The following CACNA1A variants were observed in gnomAD, a reference collection of about 807,000 sequenced individuals.
CACNA1A encodes the protein calcium voltage-gated channel subunit alpha1 A, also known as voltage-dependent P/Q-type calcium channel subunit alpha-1A.
In CACNA1A, 57 loss-of-function variants were observed where a neutral mutation model predicts 262.4. That is an observed-to-expected ratio of 0.22 (90% CI 0.18 to 0.27). The LOEUF (loss-of-function observed/expected upper bound fraction) is 0.27. Ranked by LOEUF, CACNA1A falls within the 10% of genes least tolerant of loss-of-function variation. The pLI is 1.00. For missense variants in CACNA1A, 2,526 were observed against 3,562.8 expected, an observed-to-expected ratio of 0.71 and a Z score of 7.41; for synonymous variants, 1,431 against 1,419.3, an observed-to-expected ratio of 1.01 and a Z score of -0.18.
chr19:13,442,753 A>T (rs192578089), intron 3 of CACNA1A, among the ~76,000 whole-genome samples: 1 of 152,174 alleles, frequency 6.6e-6, no homozygotes, highest in Non-Finnish European at 1.5e-5. Context: ...CGCTAGGCCA[A>T]TCTCTCATTT....
At chr19:13,478,397 G>A (rs8111556) in intron 1 of CACNA1A, among the ~76,000 whole-genome samples, 72,069 of 151,878 alleles carry the variant, frequency 0.47, 17,577 homozygotes, top group Non-Finnish European at 0.52. Flanking sequence ...CACTCACTGC[G>A]GTCTTGAACT....
At chr19:13,448,909 T>C (rs2060864814) in intron 3 of CACNA1A, among the ~76,000 whole-genome samples, 1 of 152,204 alleles carries the variant, frequency 6.6e-6, no homozygotes, top group East Asian at 1.9e-4. Context: ...AATGTGAAGT[T>C]TGAAAAACAG....
At chr19:13,468,818 C>A (rs1244899411) in intron 1 of CACNA1A, among the ~76,000 whole-genome samples, 1 of 152,044 alleles carries the variant, frequency 6.6e-6, no homozygotes, top group African/African-American at 2.4e-5. Context: ...AAACCTTTAA[C>A]CTGGAAATTC....
chr19:13,289,586 A>G (rs1183132901), intron 19 of CACNA1A, among the ~76,000 whole-genome samples: 2 of 152,090 alleles, frequency 1.3e-5, no homozygotes, highest in Admixed American at 6.5e-5. Context: ...ATGATCCTGG[A>G]CCTTCTTTAC....
intron 3 of CACNA1A, among the ~76,000 whole-genome samples, chr19:13,434,611 T>C (rs1456578815): frequency 6.6e-6 from 1 of 152,044 alleles, no homozygotes; most frequent in Non-Finnish European, 1.5e-5. Flanking sequence ...CTTCCTCCTG[T>C]TCTGGCCATG....
chr19:13,498,199 C>T (rs1981917175), intron 1 of CACNA1A, among the ~76,000 whole-genome samples: 1 of 152,020 alleles, frequency 6.6e-6, no homozygotes, highest in Non-Finnish European at 1.5e-5. Context: ...GATCAGAATC[C>T]ATGTAACACC....
intron 10 of CACNA1A, among the ~76,000 whole-genome samples, chr19:13,319,673 T>TA (rs951556052): frequency 6.6e-6 from 1 of 152,210 alleles, no homozygotes; most frequent in Non-Finnish European, 1.5e-5. Context: ...GGTCCACATT[T>TA]AAAAACTGGG....
chr19:13,491,220 G>A (rs182280724), intron 1 of CACNA1A, among the ~76,000 whole-genome samples: 1 of 152,326 alleles, frequency 6.6e-6, no homozygotes, highest in East Asian at 1.9e-4. Flanking sequence ...TGCTAGATGT[G>A]TGACCTTGGC....
chr19:13,246,555 C>G lies in CACNA1A; in HGVS notation c.4867-1290G>C, dbSNP rs1007904665. 1.1e-4 allele frequency among the ~76,000 whole-genome samples: 17 copies of G among 152,172 alleles called. 1 individual carries two copies. The highest frequency in any genetic ancestry group is 4.1e-4 in the African/African-American group (17 of 41,442). The stretch of plus-strand genomic sequence containing the variant: ...GGGGCTGTTTGTTACTGCAGCTTCA[C>G]TTGATCTATCCTGACTGCTGCATTC... On this transcript the variant is annotated intron_variant, in intron 30 of 46. Coordinates refer to ENST00000360228, the MANE Select transcript of CACNA1A (RefSeq NM_001127222.2).
chr19:13,224,607 G>C, intron 38 of CACNA1A, 60 bp downstream of exon 38: 5 of 1,144,092 alleles, frequency 4.4e-6, no homozygotes, highest in Non-Finnish European at 6.5e-6. Context: ...GGGGTAGGGA[G>C]GGAGATCCCC....
chr19:13,472,287 G>A (rs374908268), intron 1 of CACNA1A, among the ~76,000 whole-genome samples: 3 of 151,400 alleles, frequency 2.0e-5, no homozygotes, highest in East Asian at 1.9e-4. Context: ...TATATAGACA[G>A]GTAGATAGAT....
In CACNA1A at chr19:13,298,894, G is replaced by A. The variant is rs16021; in HGVS notation, c.2739C>T (p.Pro913=). The A allele has an allele frequency of 1.1e-3, 1,708 of 1,594,498 alleles. 14 individuals are homozygous for A. In the African/African-American group the frequency reaches 0.02, roughly 19 times the overall value. Residue 913 remains proline (P), a synonymous_variant, in exon 19 of 47, where the codon CCC becomes CCT. Transcript: ENST00000360228. ...HHAREGSLEQ[P]GFWEGEAERG... Reference sequence around the variant, plus strand: ...GCTCGGCCTCGCCCTCCCAGAACCCGGGTTGCTCCAGGCTGCCCTCCCGGG... The same window carrying A: ...GCTCGGCCTCGCCCTCCCAGAACCCAGGTTGCTCCAGGCTGCCCTCCCGGG...
chr19:13,308,245 C>T lies in CACNA1A; in HGVS notation c.1788G>A (p.Trp596Ter). 1 of 1,612,388 alleles carries T rather than the reference C, an allele frequency of 6.2e-7. No homozygotes were observed. Among genetic ancestry groups the T allele is most frequent in the Non-Finnish European group, 8.5e-7 (1 of 1,179,012 alleles). Residue 596 changes from tryptophan to a stop codon, truncating the protein, a stop_gained, in exon 14 of 47, where the codon TGG becomes TGA. Transcript: ENST00000360228. LOFTEE classifies it high-confidence loss of function. The surrounding 1 kb of genome is among the most constrained non-coding windows in gnomAD (Gnocchi z 4.2). Reference protein sequence around the residue: ...LLRIFKVTKYWASLRNLVVSL... With the variant: ...LLRIFKVTKY ...AGACGACCAGGTTTCTGAGAGATGC[C>T]CAGTACCTGCCGACAGAGGCCAGGC...
At chr19:13,295,088 G>A (rs140513840) in intron 19 of CACNA1A, among the ~76,000 whole-genome samples, 24 of 152,300 alleles carry the variant, frequency 1.6e-4, no homozygotes, top group African/African-American at 5.3e-4. Context: ...TTTCTTGGTC[G>A]TATTTCTCAG....
intron 1 of CACNA1A, among the ~76,000 whole-genome samples, chr19:13,502,955 T>C (rs1982562981): frequency 6.6e-6 from 1 of 152,168 alleles, no homozygotes; most frequent in African/African-American, 2.4e-5. Flanking sequence ...CTGCTTTCCA[T>C]ATCGACCTGC....
Position 13,361,435 on chromosome 19 carries a change from G to A in CACNA1A, c.785-1636C>T, listed in dbSNP as rs80195583. ...TTTACCAGCACAGCGGGTCTGAGAG[G>A]ACCTTATTCTGTGAGCGATGCTTTT... On this transcript the variant is annotated intron_variant, in intron 5 of 46. Coordinates refer to ENST00000360228, the MANE Select transcript of CACNA1A (RefSeq NM_001127222.2). 6.2e-3 allele frequency among the ~76,000 whole-genome samples: 947 copies of A among 152,292 alleles called. 8 individuals are homozygous for A. Among genetic ancestry groups the A allele is most frequent in the South Asian group, 0.037 (178 of 4,820 alleles).
intron 6 of CACNA1A, among the ~76,000 whole-genome samples, chr19:13,336,594 GGAGAGAGAGAGAGAGAGAGAGA>G (rs547329827): frequency 1.5e-5 from 1 of 65,494 alleles, no homozygotes; most frequent in South Asian, 6.5e-4. Flanking sequence ...AGAGAGAGAG[GGAGAGAGAGAGAGAGAGAGAGA>G]GAGAGAGAGA....
intron 3 of CACNA1A, among the ~76,000 whole-genome samples, chr19:13,416,257 C>G (rs539081828): frequency 1.3e-5 from 2 of 149,374 alleles, no homozygotes; most frequent in Admixed American, 6.8e-5. Context: ...TGCACCACCA[C>G]GCCTGGCTAA....
intron 3 of CACNA1A, among the ~76,000 whole-genome samples, chr19:13,378,806 T>C (rs2059461570): frequency 6.6e-6 from 1 of 151,612 alleles, no homozygotes; most frequent in African/African-American, 2.4e-5. Flanking sequence ...TAGCTGGGCT[T>C]ATAGGTGTGC....
Sources: allele counts gnomAD v4.1 joint callset (sites outside exome capture counted in the v4.1 genomes callset), GRCh38; gene constraint gnomAD v4.1.1; non-coding constraint Gnocchi (gnomAD v3.1); transcripts MANE v1.5; gene names NCBI Gene and HGNC (gene_info 2026-07-23, HGNC 2026-07-21).